DGKB: variants seen among roughly 807,000 people sequenced by gnomAD.
DGKB encodes diacylglycerol kinase beta, also known as 90 kDa diacylglycerol kinase.
Under a neutral mutation model 114.3 loss-of-function variants are expected in DGKB, and 67 were observed. That is an observed-to-expected ratio of 0.59 (90% CI 0.48 to 0.72). The LOEUF is 0.72. DGKB is among the 30% of genes least tolerant of loss of function. DGKB has a pLI of 0.00. For synonymous variants in DGKB, 398 were observed against 323.1 expected, an observed-to-expected ratio of 1.23 and a Z score of -2.49; for missense variants, 907 against 975.2, an observed-to-expected ratio of 0.93 and a Z score of 0.93.
At chr7:14,248,623 GTTTT>G (rs777575237) in intron 23 of DGKB, among the ~76,000 whole-genome samples, 3 of 151,768 alleles carry the variant, frequency 2.0e-5, no homozygotes, top group Non-Finnish European at 4.4e-5. Context: ...AAATGGAATT[GTTTT>G]TTAAAATTCT....
At chr7:14,771,886 G>A (rs1397848457) in intron 2 of DGKB, among the ~76,000 whole-genome samples, 1 of 147,030 alleles carries the variant, frequency 6.8e-6, no homozygotes, top group African/African-American at 2.5e-5. Flanking sequence ...ACAACCTGCT[G>A]TCTCCCTGAA....
chr7:14,838,537 C>CCT (rs146089881), intron 2 of DGKB, among the ~76,000 whole-genome samples: 41 of 149,816 alleles, frequency 2.7e-4, no homozygotes, highest in South Asian at 1.7e-3. Flanking sequence ...TCTCTCTTCC[C>CCT]CTCTCTCTCT....
rs1040131880 is a variant in DGKB at position 14,147,181 on chromosome 7, A to C, written c.*1950T>G. On this transcript the variant is annotated 3_prime_UTR_variant, in exon 26 of 26. Transcript: ENST00000402815. ...CAGTAATGTACTTGTTACTGTTTTG[A>C]GATTTCTTTCTTTCTTTTGGTCTGG... 8 of 152,118 alleles carry C rather than the reference A, an allele frequency of 5.3e-5. No individual in the cohort carries two copies. Among genetic ancestry groups the C allele is most frequent in the African/African-American group, 1.9e-4 (8 of 41,440 alleles). The allele number at this position is 152,118 out of a possible 1,614,324, so 9.4% of individuals were successfully genotyped here.
chr7:14,699,325 C>T (rs1466594246), intron 7 of DGKB, among the ~76,000 whole-genome samples: 1 of 152,038 alleles, frequency 6.6e-6, no homozygotes, highest in Non-Finnish European at 1.5e-5. Flanking sequence ...CTTACATATG[C>T]CTTAATGGTT....
At chr7:14,790,264 G>T (rs951660955) in intron 2 of DGKB, among the ~76,000 whole-genome samples, 4 of 152,138 alleles carry the variant, frequency 2.6e-5, no homozygotes, top group African/African-American at 9.7e-5. Context: ...TCTCTTAACA[G>T]AATCTATAGA....
chr7:14,206,227 A>C (rs1184430888), intron 23 of DGKB, among the ~76,000 whole-genome samples: 1 of 152,048 alleles, frequency 6.6e-6, no homozygotes, highest in Non-Finnish European at 1.5e-5. Context: ...AAAACATGAT[A>C]GGGGTTATGA....
intron 5 of DGKB, among the ~76,000 whole-genome samples, chr7:14,728,390 C>T (rs1222238038): frequency 6.6e-6 from 1 of 152,164 alleles, no homozygotes; most frequent in Non-Finnish European, 1.5e-5. Context: ...AAACTCTTCC[C>T]CACCTGGCCT....
chr7:14,752,990 G>C (rs144086671), intron 4 of DGKB, among the ~76,000 whole-genome samples: 65 of 152,236 alleles, frequency 4.3e-4, no homozygotes, highest in African/African-American at 1.5e-3. Flanking sequence ...CTCTGAAATG[G>C]AGGCTAGTAA....
chr7:14,774,040 G>C (rs933949991), intron 2 of DGKB, among the ~76,000 whole-genome samples: 3 of 152,046 alleles, frequency 2.0e-5, no homozygotes, highest in Non-Finnish European at 4.4e-5. Context: ...TTGTTTGTTT[G>C]TTTTTGCCCT....
intron 23 of DGKB, among the ~76,000 whole-genome samples, chr7:14,208,135 G>GT (rs1787135126): frequency 6.6e-6 from 1 of 152,004 alleles, no homozygotes; most frequent in Non-Finnish European, 1.5e-5. Context: ...ATAAGCACCT[G>GT]TCTCTCCAGT....
chr7:14,275,903 G>A (rs1433869056), intron 23 of DGKB, among the ~76,000 whole-genome samples: 4 of 152,130 alleles, frequency 2.6e-5, no homozygotes, highest in Admixed American at 2.6e-4. Flanking sequence ...CAGTAGGTGA[G>A]CGTTTAATTA....
At chr7:14,929,849 T>C in intron 1 of DGKB, among the ~76,000 whole-genome samples, 1 of 152,174 alleles carries the variant, frequency 6.6e-6, no homozygotes, top group South Asian at 2.1e-4. Context: ...ATTATTGTAG[T>C]TTATGGTCTT....
intron 23 of DGKB, among the ~76,000 whole-genome samples, chr7:14,227,287 C>T (rs1032772792): frequency 6.6e-6 from 1 of 152,064 alleles, no homozygotes; most frequent in Non-Finnish European, 1.5e-5. Context: ...GCACACCACA[C>T]TGTAAATTGA....
intron 2 of DGKB, among the ~76,000 whole-genome samples, chr7:14,770,002 C>T (rs1837181296): frequency 6.6e-6 from 1 of 151,978 alleles, no homozygotes; most frequent in Admixed American, 6.6e-5. Context: ...TAACAGTATC[C>T]AGGGCTTAGG....
rs779997674 is a variant in DGKB, at chr7:14,488,842, C to CAAA, written c.1771-10620_1771-10618dup. ...GCAAGACTCCGTCTCCAAAAAAAAA[C>CAAA]AAAAAAAAACAAAAAAAACCCAACA... On this transcript the variant is annotated intron_variant, in intron 20 of 25. Transcript: ENST00000402815. 4.1e-3 allele frequency among the ~76,000 whole-genome samples: 354 copies of CAAA among 85,758 alleles called. 2 individuals carry two copies. Among genetic ancestry groups the CAAA allele is most frequent in the African/African-American group, 0.017 (327 of 19,154 alleles). 56.3% of individuals were successfully genotyped at this position (85,758 alleles called of 152,430 possible).
At chr7:14,545,820 C>T (rs745883704) in intron 20 of DGKB, among the ~76,000 whole-genome samples, 1 of 152,160 alleles carries the variant, frequency 6.6e-6, no homozygotes, top group Non-Finnish European at 1.5e-5. Flanking sequence ...AGGTCTCTAC[C>T]TCTAGAAAGG....
At chr7:14,179,056 C>T (rs1353556651) in intron 23 of DGKB, among the ~76,000 whole-genome samples, 1 of 152,144 alleles carries the variant, frequency 6.6e-6, no homozygotes, top group African/African-American at 2.4e-5. Flanking sequence ...TGCTTTGATG[C>T]ACTATGCTAC....
At chr7:14,402,512 T>C (rs926063625) in intron 21 of DGKB, among the ~76,000 whole-genome samples, 6 of 151,926 alleles carry the variant, frequency 3.9e-5, no homozygotes, top group African/African-American at 1.4e-4. Flanking sequence ...TCCTCACTTA[T>C]GTCATTAGAG....
intron 23 of DGKB, among the ~76,000 whole-genome samples, chr7:14,317,610 A>C (rs1806838475): frequency 7.0e-6 from 1 of 143,548 alleles, no homozygotes; most frequent in African/African-American, 2.6e-5. Flanking sequence ...GGACAACTAC[A>C]AACCACTGCT....
Sources: gnomAD v4.1 joint callset for allele counts (sites outside exome capture counted in the v4.1 genomes callset) on GRCh38, gnomAD v4.1.1 for gene constraint, MANE v1.5 for transcripts, NCBI Gene and HGNC (gene_info 2026-07-23, HGNC 2026-07-21) for gene names.